The following COMMD10 variants were observed in gnomAD, a reference collection of about 807,000 sequenced individuals.
COMMD10 encodes COMM domain containing 10, also known as COMM domain-containing protein 10.
COMMD10 carries 33 observed loss-of-function variants against 28.9 expected under a neutral mutation model. The observed-to-expected ratio is 1.14, with a 90% confidence interval of 0.87 to 1.53. The LOEUF (loss-of-function observed/expected upper bound fraction) is 1.53, where lower values mean the gene tolerates loss of function less well. COMMD10 is among the 40% of genes most tolerant of loss of function. The pLI, the probability that COMMD10 is intolerant of heterozygous loss-of-function variation, is 0.00. For synonymous variants in COMMD10, 110 were observed against 81.7 expected, an observed-to-expected ratio of 1.35 and a Z score of -1.87; for missense variants, 310 against 233.4, an observed-to-expected ratio of 1.33 and a Z score of -2.14.
intron 5 of COMMD10, chr5:116,188,365 T>C (rs1322748574): frequency 6.6e-6 from 1 of 152,110 alleles, no homozygotes; most frequent in African/African-American, 2.4e-5. Flanking sequence ...TGATTTAGAG[T>C]AATCAGTTTT....
chr5:116,258,205 C>T (rs765175868), intron 5 of COMMD10, among the ~76,000 whole-genome samples: 1 of 151,688 alleles, frequency 6.6e-6, no homozygotes, highest in Non-Finnish European at 1.5e-5. Flanking sequence ...AACCTTTTCT[C>T]TTACCGAATT....
intron 4 of COMMD10, among the ~76,000 whole-genome samples, chr5:116,124,385 G>A (rs555887100): frequency 6.6e-6 from 1 of 152,288 alleles, no homozygotes; most frequent in Admixed American, 6.5e-5. Flanking sequence ...AGTTTTAAGT[G>A]AGTTTCTTAA....
intron 5 of COMMD10, among the ~76,000 whole-genome samples, chr5:116,282,196 G>A (rs1382470474): frequency 4.0e-5 from 6 of 151,748 alleles, no homozygotes; most frequent in East Asian, 1.9e-4. Context: ...TTTTTGACTC[G>A]TTTTATTTTT....
In COMMD10 at chr5:116,272,958, C is replaced by T. The variant is rs548834735; in HGVS notation, c.511-18559C>T. Among the ~76,000 whole-genome samples, 3 of 151,888 alleles carry T rather than the reference C, an allele frequency of 2.0e-5. No homozygotes were observed. In the South Asian group the frequency reaches 6.2e-4, roughly 32 times the overall value. On this transcript the variant is annotated intron_variant, in intron 5 of 6. Coordinates refer to ENST00000274458, the MANE Select transcript of COMMD10 (RefSeq NM_016144.4). ...GGCTTCATCTTCAATGTTGTCTCGT[C>T]CCTTCTTAAAACAAGTTATCCATTT...
intron 5 of COMMD10, among the ~76,000 whole-genome samples, chr5:116,283,880 AAC>A (rs1239961672): frequency 2.0e-5 from 3 of 151,860 alleles, no homozygotes; most frequent in Non-Finnish European, 2.9e-5. Flanking sequence ...CTGTAATCCC[AAC>A]ACTTTGGGAG....
At chr5:116,202,837 T>G (rs928876158) in intron 5 of COMMD10, among the ~76,000 whole-genome samples, 31 of 151,902 alleles carry the variant, frequency 2.0e-4, no homozygotes, top group African/African-American at 6.8e-4. Flanking sequence ...TCTGTAGGTT[T>G]CCTGTTCACT....
chr5:116,175,052 T>TA (rs1753458284), intron 5 of COMMD10, among the ~76,000 whole-genome samples: 1 of 152,164 alleles, frequency 6.6e-6, no homozygotes, highest in Admixed American at 6.6e-5. Flanking sequence ...CTTTCATAAC[T>TA]ATTTCCTTTA....
intron 5 of COMMD10, among the ~76,000 whole-genome samples, chr5:116,172,429 T>G (rs560079598): frequency 1.3e-5 from 2 of 152,262 alleles, no homozygotes; most frequent in Non-Finnish European, 2.9e-5. Flanking sequence ...TGTCTCTAAA[T>G]GTGCTACCCT....
At chr5:116,134,910 C>T (rs544822139) in intron 5 of COMMD10, among the ~76,000 whole-genome samples, 10 of 150,954 alleles carry the variant, frequency 6.6e-5, no homozygotes, top group East Asian at 3.9e-4. Flanking sequence ...CGTGAGCCAC[C>T]GCGCCCGGCC....
intron 5 of COMMD10, among the ~76,000 whole-genome samples, chr5:116,250,895 A>G (rs139286780): frequency 2.6e-3 from 400 of 152,122 alleles, no homozygotes; most frequent in Non-Finnish European, 4.4e-3. Flanking sequence ...CTTCTGAGCA[A>G]TGAACCATAT....
intron 5 of COMMD10, among the ~76,000 whole-genome samples, chr5:116,274,763 C>T (rs1027306645): frequency 3.3e-5 from 5 of 151,656 alleles, no homozygotes; most frequent in African/African-American, 9.7e-5. Flanking sequence ...AGTTTTTAAC[C>T]CACCTCTCAA....
At chr5:116,168,264 A>G (rs983038898) in intron 5 of COMMD10, among the ~76,000 whole-genome samples, 10 of 152,242 alleles carry the variant, frequency 6.6e-5, no homozygotes, top group Non-Finnish European at 1.2e-4. Flanking sequence ...TGATAAAGGG[A>G]TCAGTGCAAC....
chr5:116,277,731 C>T (rs556693679), intron 5 of COMMD10, among the ~76,000 whole-genome samples: 7 of 152,014 alleles, frequency 4.6e-5, no homozygotes, highest in Admixed American at 4.6e-4. Flanking sequence ...AAATTAACCT[C>T]ATTTAGGTGC....
At chr5:116,205,501 G>A (rs1748788257) in intron 5 of COMMD10, among the ~76,000 whole-genome samples, 1 of 151,872 alleles carries the variant, frequency 6.6e-6, no homozygotes, top group Non-Finnish European at 1.5e-5. Context: ...TTCAGTTACG[G>A]GATTTATTGA....
chr5:116,204,514 G>T (rs970991230), intron 5 of COMMD10, among the ~76,000 whole-genome samples: 7 of 151,668 alleles, frequency 4.6e-5, no homozygotes, highest in African/African-American at 1.7e-4. Context: ...AAGATTATCT[G>T]CCATTTTTGA....
intron 5 of COMMD10, among the ~76,000 whole-genome samples, chr5:116,204,740 G>C (rs982281348): frequency 1.3e-5 from 2 of 152,078 alleles, no homozygotes; most frequent in Non-Finnish European, 2.9e-5. Context: ...ACTCCATTTT[G>C]ATATTAATAT....
intron 5 of COMMD10, among the ~76,000 whole-genome samples, chr5:116,265,401 T>A (rs549494097): frequency 9.9e-5 from 15 of 151,888 alleles, no homozygotes; most frequent in African/African-American, 2.9e-4. Flanking sequence ...AGGTTATATT[T>A]AAGCAGTGAT....
intron 5 of COMMD10, among the ~76,000 whole-genome samples, chr5:116,203,118 T>G (rs995536172): frequency 4.6e-5 from 7 of 152,120 alleles, no homozygotes; most frequent in Non-Finnish European, 1.0e-4. Context: ...TAGCCAGTTT[T>G]CCCAGCACCA....
intron 5 of COMMD10, among the ~76,000 whole-genome samples, chr5:116,205,899 G>T (rs1240882596): frequency 6.6e-6 from 1 of 151,852 alleles, no homozygotes; most frequent in African/African-American, 2.4e-5. Context: ...TATTCTCAGG[G>T]TTTCTTATTT....
Sources: allele counts gnomAD v4.1 joint callset (sites outside exome capture counted in the v4.1 genomes callset), GRCh38; gene constraint gnomAD v4.1.1; transcripts MANE v1.5; gene names NCBI Gene and HGNC (gene_info 2026-07-23, HGNC 2026-07-21).